FRMD5: variants seen among roughly 807,000 people sequenced by gnomAD.
FRMD5 encodes the protein FERM domain containing 5.
FRMD5 carries 20 observed loss-of-function variants against 69.0 expected under a neutral mutation model. The ratio of observed to expected loss-of-function variants is 0.29; its 90% CI spans 0.20 to 0.42. The LOEUF is 0.42. Ranked by LOEUF, FRMD5 falls within the 10% of genes least tolerant of loss-of-function variation. The pLI is 1.00. For synonymous variants in FRMD5, 271 were observed against 260.1 expected (o/e 1.04, Z -0.40); for missense variants, 595 against 708.6 (o/e 0.84, Z 1.82).
At chr15:43,996,016 G>A (rs1034523355) in intron 1 of FRMD5, among the ~76,000 whole-genome samples, 4 of 152,134 alleles carry the variant, frequency 2.6e-5, no homozygotes, top group African/African-American at 9.7e-5. Context: ...GATCAGCCTG[G>A]CCTGGAGCCC....
chr15:43,902,377 G>T, intron 6 of FRMD5, 115 bp from the exon 7 acceptor site: 1 of 866,364 alleles, frequency 1.2e-6, no homozygotes, highest in African/African-American at 1.7e-5. Flanking sequence ...TTTGTCTAGG[G>T]TGTGCTCCCT....
chr15:44,035,785 T>C (rs1018516965), intron 1 of FRMD5, among the ~76,000 whole-genome samples: 1 of 152,232 alleles, frequency 6.6e-6, no homozygotes, highest in Admixed American at 6.5e-5. Flanking sequence ...TAAAAATCTA[T>C]GTTTTATATT....
intron 1 of FRMD5, among the ~76,000 whole-genome samples, chr15:44,095,338 G>A (rs2076536708): frequency 6.6e-6 from 1 of 151,938 alleles, no homozygotes; most frequent in African/African-American, 2.4e-5. Context: ...GAGTAGCTGG[G>A]ACCACAGACA....
At chr15:44,048,280 C>T (rs1189886794) in intron 1 of FRMD5, among the ~76,000 whole-genome samples, 1 of 152,126 alleles carries the variant, frequency 6.6e-6, no homozygotes. Context: ...TGGTATCTCA[C>T]TGTCGTTTTG....
intron 6 of FRMD5, among the ~76,000 whole-genome samples, chr15:43,902,523 G>A (rs1260487653): frequency 6.6e-6 from 1 of 151,922 alleles, no homozygotes; most frequent in East Asian, 1.9e-4. Flanking sequence ...GACTGTGGCA[G>A]CACCATCTTA....
At chr15:43,963,104 T>A (rs1479331506) in intron 1 of FRMD5, among the ~76,000 whole-genome samples, 4 of 152,226 alleles carry the variant, frequency 2.6e-5, no homozygotes, top group Non-Finnish European at 4.4e-5. Flanking sequence ...GAAACCACCA[T>A]CAGAGTGAAC....
chr15:43,875,867 CATA>C (rs922514422), intron 13 of FRMD5: 19 of 487,666 alleles, frequency 3.9e-5, no homozygotes, highest in Non-Finnish European at 7.6e-5. Context: ...TTCCTTCAAC[CATA>C]ATAATATGAT....
chr15:43,910,853 A>G (rs865907520), intron 4 of FRMD5, among the ~76,000 whole-genome samples: 1 of 152,252 alleles, frequency 6.6e-6, no homozygotes, highest in Non-Finnish European at 1.5e-5. Context: ...TATTACAGAT[A>G]GAGAAGCTGA....
rs147894024 is a variant in FRMD5, at chr15:43,873,339, C to CA, written c.*545dup. 2,315 of 1,475,440 alleles carry CA rather than the reference C, an allele frequency of 1.6e-3. 49 individuals are homozygous for CA. The East Asian group carries it at 0.034, about 22-fold the overall frequency. The allele number at this position is 1,475,440 out of a possible 1,614,324, so 91.4% of individuals were successfully genotyped here. A position where few individuals can be genotyped will look rare whatever the true frequency, so the allele number is the denominator to read the frequency against. ...TTACTTTTTTAAAAGTTCTGGCTGG[C>CA]AAAAAAAACAAACAAAAAACTAAAC... On this transcript the variant is annotated 3_prime_UTR_variant, in exon 14 of 14. Coordinates refer to ENST00000417257, the MANE Select transcript of FRMD5 (RefSeq NM_032892.5).
Position 43,978,146 on chromosome 15 carries a change from T to C in FRMD5, c.103-53837A>G, listed in dbSNP as rs974923939. On this transcript the variant is annotated intron_variant, in intron 1 of 13. Coordinates refer to ENST00000417257, the MANE Select transcript of FRMD5 (RefSeq NM_032892.5). Reference sequence around the variant, plus strand: ...TAAATAAACCTGTTTGGCCGTTGAGTTGCCTTCTCTCTCACTTCCTTCCTT... The same window carrying C: ...TAAATAAACCTGTTTGGCCGTTGAGCTGCCTTCTCTCTCACTTCCTTCCTT... Among the ~76,000 whole-genome samples, 6 of 152,302 alleles carry C rather than the reference T, an allele frequency of 3.9e-5. No homozygotes were observed. In the South Asian group the frequency reaches 6.2e-4, roughly 16 times the overall value.
intron 7 of FRMD5, among the ~76,000 whole-genome samples, chr15:43,895,325 C>T (rs1287820981): frequency 1.3e-5 from 2 of 152,180 alleles, no homozygotes; most frequent in East Asian, 1.9e-4. Context: ...GGGAAGGGAA[C>T]AGAGGCCATG....
chr15:44,049,374 T>C (rs891352729), intron 1 of FRMD5, among the ~76,000 whole-genome samples: 2 of 152,146 alleles, frequency 1.3e-5, no homozygotes, highest in African/African-American at 2.4e-5. Context: ...CAAATAAACC[T>C]TAAGCTGGAC....
chr15:44,001,985 T>A (rs1890234648), intron 1 of FRMD5, among the ~76,000 whole-genome samples: 1 of 152,144 alleles, frequency 6.6e-6, no homozygotes, highest in Admixed American at 6.5e-5. Context: ...CCTCCCAAAG[T>A]GCGAGCCACC....
intron 8 of FRMD5, among the ~76,000 whole-genome samples, chr15:43,890,321 AGTG>A (rs1567212892): frequency 6.6e-6 from 1 of 152,206 alleles, no homozygotes; most frequent in South Asian, 2.1e-4. Flanking sequence ...TTCTAGAAGA[AGTG>A]GTGCATGAGA....
At chr15:43,964,479 TCAAA>T (rs994658709) in intron 1 of FRMD5, among the ~76,000 whole-genome samples, 13 of 146,788 alleles carry the variant, frequency 8.9e-5, no homozygotes, top group South Asian at 2.1e-4. Context: ...AGACCCTGTT[TCAAA>T]CAAACAAACA....
chr15:44,110,399 G>C (rs1049204907), intron 1 of FRMD5, among the ~76,000 whole-genome samples: 3 of 152,176 alleles, frequency 2.0e-5, no homozygotes, highest in Admixed American at 6.5e-5. Flanking sequence ...CAGTTCATTT[G>C]GGTAAATACC....
chr15:44,027,063 T>C (rs1038370894), intron 1 of FRMD5, among the ~76,000 whole-genome samples: 1 of 152,170 alleles, frequency 6.6e-6, no homozygotes, highest in African/African-American at 2.4e-5. Context: ...TCCACACAAA[T>C]AAAGACAGAA....
At chr15:43,922,088 G>C (rs472797) in intron 2 of FRMD5, among the ~76,000 whole-genome samples, 41,357 of 151,738 alleles carry the variant, frequency 0.27, 10,618 homozygotes, top group African/African-American at 0.68. Flanking sequence ...CTCAGTTACT[G>C]TCTCAAGCCT....
chr15:44,154,012 A>G (rs1204324005), intron 1 of FRMD5, among the ~76,000 whole-genome samples: 2 of 152,212 alleles, frequency 1.3e-5, no homozygotes, highest in Non-Finnish European at 2.9e-5. Context: ...ATTAATTTTA[A>G]GTACAATTAA....
Sources: allele counts gnomAD v4.1 joint callset (sites outside exome capture counted in the v4.1 genomes callset), GRCh38; gene constraint gnomAD v4.1.1; transcripts MANE v1.5; gene names NCBI Gene and HGNC (gene_info 2026-07-23, HGNC 2026-07-21).